Variants in LPGAT1 observed in about 807,000 individuals in gnomAD.
LPGAT1 encodes acyl-CoA:lysophosphatidylglycerol acyltransferase 1.
LPGAT1 carries 11 observed loss-of-function variants against 47.5 expected under a neutral mutation model. The ratio of observed to expected loss-of-function variants is 0.23; its 90% CI spans 0.15 to 0.38. The LOEUF (loss-of-function observed/expected upper bound fraction) is 0.38, where lower values mean the gene tolerates loss of function less well. Among genes scored for constraint, LPGAT1 ranks in the 10% least tolerant of loss-of-function variants. LPGAT1 has a pLI of 1.00. For missense variants in LPGAT1, 293 were observed against 439.0 expected (o/e 0.67, Z 2.97); for synonymous variants, 138 against 144.2 (o/e 0.96, Z 0.31).
At chr1:211,772,629 AATAACATT>A (rs1658220729) in intron 6 of LPGAT1, among the ~76,000 whole-genome samples, 1 of 152,240 alleles carries the variant, frequency 6.6e-6, no homozygotes, top group Non-Finnish European at 1.5e-5. Flanking sequence ...AATATTTACA[AATAACATT>A]ATATGATGCC....
chr1:211,796,375 G>GAC, intron 2 of LPGAT1, among the ~76,000 whole-genome samples: 1 of 152,116 alleles, frequency 6.6e-6, no homozygotes, highest in East Asian at 1.9e-4. Context: ...GGGTCAGAGA[G>GAC]ACACACAGGG....
intron 6 of LPGAT1, among the ~76,000 whole-genome samples, chr1:211,767,231 T>C (rs1234491739): frequency 6.6e-6 from 1 of 152,184 alleles, no homozygotes; most frequent in Non-Finnish European, 1.5e-5. Flanking sequence ...CTCTGCCTCC[T>C]GGGTTCAAGT....
At chr1:211,784,263 T>C (rs886140629) in intron 4 of LPGAT1, among the ~76,000 whole-genome samples, 1 of 152,058 alleles carries the variant, frequency 6.6e-6, no homozygotes, top group Non-Finnish European at 1.5e-5. Flanking sequence ...AAGGAAGTGT[T>C]ATAATCTTAT....
chr1:211,793,225 T>A, intron 2 of LPGAT1, 35 bp from the exon 3 acceptor site: 1 of 1,359,370 alleles, frequency 7.4e-7, no homozygotes, highest in Non-Finnish European at 1.0e-6. Flanking sequence ...GCTGTCATTT[T>A]AAAGATTTTT....
intron 1 of LPGAT1, chr1:211,829,704 ATGAC>A (rs1660659103): frequency 9.7e-7 from 1 of 1,033,450 alleles, no homozygotes; most frequent in African/African-American, 1.7e-5. Flanking sequence ...CACAAGTGAC[ATGAC>A]CGAAACAGGG....
rs1387613589 is a variant in LPGAT1, at chr1:211,755,038, T to C, written c.855-3971A>G. Among the ~76,000 whole-genome samples the C allele has an allele frequency of 1.2e-4, 9 of 72,354 alleles. No individual in the cohort carries two copies. In the Admixed American group the frequency reaches 1.5e-3, roughly 12 times the overall value. The allele number at this position is 72,354 out of a possible 152,430, so 47.5% of individuals were successfully genotyped here. A position where few individuals can be genotyped will look rare whatever the true frequency, so the allele number is the denominator to read the frequency against. ...CGAAGCGACAGAGCAAGACTCCGTC[T>C]CCAAAAAAAAAAAAAAAAGCCAGGC... On this transcript the variant is annotated intron_variant, in intron 6 of 7. Coordinates refer to ENST00000366997, the MANE Select transcript of LPGAT1 (RefSeq NM_014873.3).
chr1:211,816,033 G>A (rs947747045), intron 2 of LPGAT1, among the ~76,000 whole-genome samples: 11 of 151,762 alleles, frequency 7.2e-5, no homozygotes, highest in African/African-American at 2.2e-4. Flanking sequence ...CACCCGACTC[G>A]GCCTCCCAAA....
intron 2 of LPGAT1, among the ~76,000 whole-genome samples, chr1:211,811,259 C>A (rs1384797016): frequency 6.6e-6 from 1 of 152,124 alleles, no homozygotes; most frequent in African/African-American, 2.4e-5. Flanking sequence ...TACACTGCAG[C>A]AGAAAGAATA....
At chr1:211,763,341 G>T (rs1008427071) in intron 6 of LPGAT1, among the ~76,000 whole-genome samples, 1 of 152,144 alleles carries the variant, frequency 6.6e-6, no homozygotes, top group Non-Finnish European at 1.5e-5. Context: ...GTTATCACAA[G>T]AGTGAGTCTG....
intron 2 of LPGAT1, among the ~76,000 whole-genome samples, chr1:211,815,436 C>T (rs1343024517): frequency 2.0e-5 from 3 of 152,056 alleles, no homozygotes; most frequent in African/African-American, 7.2e-5. Flanking sequence ...CTTTCCATCT[C>T]CACTGCCATC....
chr1:211,793,526 G>A (rs12760311), intron 2 of LPGAT1, among the ~76,000 whole-genome samples: 3,046 of 151,838 alleles, frequency 0.02, 35 homozygotes, highest in Middle Eastern at 0.037. Flanking sequence ...TCTACCTCCC[G>A]GGTTCAAGCA....
chr1:211,827,327 C>A lies in LPGAT1; in HGVS notation c.238+1732G>T, dbSNP rs994469056. ...TTCTATAGTCAGCAAGGAAGAGATACCCCAAGAAAATATGCTGAAAAATAC... is the reference window on the plus strand; with the variant it reads ...TTCTATAGTCAGCAAGGAAGAGATAACCCAAGAAAATATGCTGAAAAATAC... On this transcript the variant is annotated intron_variant, in intron 2 of 7. Transcript: ENST00000366997. Among the ~76,000 whole-genome samples the A allele has an allele frequency of 5.3e-5, 8 of 152,124 alleles. No individual in the cohort carries two copies. In the East Asian group the frequency reaches 1.5e-3, roughly 29 times the overall value.
chr1:211,790,146 C>T (rs1659048781), intron 3 of LPGAT1, among the ~76,000 whole-genome samples: 1 of 152,092 alleles, frequency 6.6e-6, no homozygotes, highest in Non-Finnish European at 1.5e-5. Flanking sequence ...ATAATAAGGT[C>T]AATGGTTTTC....
At chr1:211,753,459 A>G (rs533232760) in intron 6 of LPGAT1, among the ~76,000 whole-genome samples, 1 of 151,338 alleles carries the variant, frequency 6.6e-6, no homozygotes, top group Non-Finnish European at 1.5e-5. Context: ...ATTGTATTTT[A>G]TTTTTTTGCT....
chr1:211,745,288 C>T lies in LPGAT1; in HGVS notation c.*4611G>A, dbSNP rs568088040. 2.0e-5 allele frequency: 3 copies of T among 152,492 alleles called. No individual in the cohort carries two copies. The highest frequency in any genetic ancestry group is 3.9e-4 in the East Asian group (2 of 5,182). 9.4% of individuals were successfully genotyped at this position (152,492 alleles called of 1,614,324 possible). A position where few individuals can be genotyped will look rare whatever the true frequency, so the allele number is the denominator to read the frequency against. On this transcript the variant is annotated 3_prime_UTR_variant, in exon 8 of 8. Coordinates refer to ENST00000366997, the MANE Select transcript of LPGAT1 (RefSeq NM_014873.3). Reference sequence around the variant, plus strand: ...CAGCATCAGGAAAATGAAAACCCATCTGTATAAAATAAATACAATTTTATA... The same window carrying T: ...CAGCATCAGGAAAATGAAAACCCATTTGTATAAAATAAATACAATTTTATA...
Position 211,815,768 on chromosome 1 carries a change from C to T in LPGAT1, c.238+13291G>A, listed in dbSNP as rs973413106. Among the ~76,000 whole-genome samples the T allele has an allele frequency of 8.4e-5, 12 of 142,394 alleles. No individual in the cohort carries two copies. In the East Asian group the frequency reaches 2.3e-3, roughly 27 times the overall value. The allele number at this position is 142,394 out of a possible 152,430, so 93.4% of individuals were successfully genotyped here. On this transcript the variant is annotated intron_variant, in intron 2 of 7. Transcript: ENST00000366997. ...CTTTGTTCCTCAAACATGACAAATGCTTTTCTTTTTTTTTTTTTTTTTTTT... is the reference window on the plus strand; with the variant it reads ...CTTTGTTCCTCAAACATGACAAATGTTTTTCTTTTTTTTTTTTTTTTTTTT...
intron 2 of LPGAT1, among the ~76,000 whole-genome samples, chr1:211,805,982 G>C (rs1035399526): frequency 6.6e-6 from 1 of 152,148 alleles, no homozygotes; most frequent in Non-Finnish European, 1.5e-5. Flanking sequence ...ATATCAGGCC[G>C]GGCGCAGTGG....
At chr1:211,766,857 G>A (rs1274256664) in intron 6 of LPGAT1, among the ~76,000 whole-genome samples, 2 of 152,186 alleles carry the variant, frequency 1.3e-5, no homozygotes, top group East Asian at 1.9e-4. Flanking sequence ...ACTACCTTAA[G>A]TCAGGGACCA....
At chr1:211,788,980 G>A (rs1659000396) in intron 3 of LPGAT1, among the ~76,000 whole-genome samples, 1 of 152,100 alleles carries the variant, frequency 6.6e-6, no homozygotes, top group Non-Finnish European at 1.5e-5. Context: ...TAATATTACA[G>A]CTTCTGCCTT....
Sources: gnomAD v4.1 joint callset for allele counts (sites outside exome capture counted in the v4.1 genomes callset) on GRCh38, gnomAD v4.1.1 for gene constraint, MANE v1.5 for transcripts, NCBI Gene and HGNC (gene_info 2026-07-23, HGNC 2026-07-21) for gene names.